The following GRID2 variants were observed in gnomAD, a reference collection of about 807,000 sequenced individuals.
GRID2 encodes glutamate receptor ionotropic, delta-2.
In GRID2, 33 loss-of-function variants were observed where a neutral mutation model predicts 114.8. The ratio of observed to expected loss-of-function variants is 0.29; its 90% CI spans 0.22 to 0.38. The LOEUF is 0.38. Among genes scored for constraint, GRID2 ranks in the 10% least tolerant of loss-of-function variants. GRID2 has a pLI of 1.00. For synonymous variants in GRID2, 505 were observed against 449.9 expected (o/e 1.12, Z -1.55); for missense variants, 1,184 against 1,257.7 (o/e 0.94, Z 0.89).
chr4:92,875,330 A>AT (rs1745553856), intron 2 of GRID2, among the ~76,000 whole-genome samples: 1 of 151,566 alleles, frequency 6.6e-6, no homozygotes, highest in Admixed American at 6.6e-5. Context: ...CACCCGGCTA[A>AT]TTTTTTTCTA....
chr4:92,493,970 G>T (rs1287368191), intron 1 of GRID2, among the ~76,000 whole-genome samples: 1 of 152,058 alleles, frequency 6.6e-6, no homozygotes, highest in Non-Finnish European at 1.5e-5. Flanking sequence ...AAAAAGAAAT[G>T]CAGACAAAGA....
intron 1 of GRID2, among the ~76,000 whole-genome samples, chr4:92,531,651 A>G (rs1190902833): frequency 2.0e-5 from 3 of 152,172 alleles, no homozygotes; most frequent in Non-Finnish European, 4.4e-5. Context: ...AGGAATGATC[A>G]TGGAGAGAAC....
chr4:92,853,293 A>G (rs1354330994), intron 2 of GRID2, among the ~76,000 whole-genome samples: 5 of 152,064 alleles, frequency 3.3e-5, no homozygotes, highest in African/African-American at 9.7e-5. Flanking sequence ...GATTAAGACA[A>G]TGAAACTCTA....
intron 4 of GRID2, among the ~76,000 whole-genome samples, chr4:93,203,587 T>C (rs2149463946): frequency 6.6e-6 from 1 of 152,302 alleles, no homozygotes; most frequent in South Asian, 2.1e-4. Context: ...AAAGTTACTC[T>C]AGTGAGTATG....
chr4:93,420,130 GA>G (rs1768121133), intron 9 of GRID2, among the ~76,000 whole-genome samples: 1 of 152,006 alleles, frequency 6.6e-6, no homozygotes, highest in South Asian at 2.1e-4. Flanking sequence ...TATCTTCCAT[GA>G]ATCCTCTTAC....
chr4:93,469,136 T>C (rs1158751584), intron 11 of GRID2, among the ~76,000 whole-genome samples: 1 of 152,122 alleles, frequency 6.6e-6, no homozygotes, highest in African/African-American at 2.4e-5. Context: ...AAGAAGGCCA[T>C]TCTTTTCTGA....
At chr4:93,053,579 A>T (rs1448015895) in intron 2 of GRID2, among the ~76,000 whole-genome samples, 2 of 151,972 alleles carry the variant, frequency 1.3e-5, no homozygotes, top group African/African-American at 4.8e-5. Flanking sequence ...GTGCACTGGC[A>T]TGCATTTTAA....
At chr4:93,372,679 T>C (rs373898982) in intron 8 of GRID2, among the ~76,000 whole-genome samples, 8 of 152,142 alleles carry the variant, frequency 5.3e-5, no homozygotes, top group African/African-American at 1.9e-4. Context: ...CCACTCGGCA[T>C]CCAAACTAAT....
At chr4:93,192,986 A>G (rs1741136560) in intron 4 of GRID2, among the ~76,000 whole-genome samples, 1 of 152,184 alleles carries the variant, frequency 6.6e-6, no homozygotes, top group Non-Finnish European at 1.5e-5. Flanking sequence ...GCAAAACAAC[A>G]ACAAAAAGAT....
At chr4:93,303,495 G>A (rs1755086655) in intron 8 of GRID2, among the ~76,000 whole-genome samples, 1 of 152,064 alleles carries the variant, frequency 6.6e-6, no homozygotes, top group Non-Finnish European at 1.5e-5. Flanking sequence ...GTCCTTCGTG[G>A]GCTTCAAGTC....
At chr4:92,576,290 C>A (rs1339566226) in intron 1 of GRID2, among the ~76,000 whole-genome samples, 3 of 152,192 alleles carry the variant, frequency 2.0e-5, no homozygotes, top group Middle Eastern at 3.4e-3. Flanking sequence ...TTGTCCGGAC[C>A]ATTTGGACTC....
intron 14 of GRID2, among the ~76,000 whole-genome samples, chr4:93,707,329 T>C (rs1728091792): frequency 1.3e-5 from 2 of 152,062 alleles, no homozygotes; most frequent in South Asian, 4.1e-4. Context: ...AGTCATCAGG[T>C]TCTAGGCTTT....
intron 2 of GRID2, among the ~76,000 whole-genome samples, chr4:92,934,739 C>A (rs1750524261): frequency 6.8e-6 from 1 of 146,522 alleles, no homozygotes; most frequent in Admixed American, 7.4e-5. Flanking sequence ...CACTGCATGT[C>A]TACAACTATC....
intron 2 of GRID2, among the ~76,000 whole-genome samples, chr4:92,758,610 C>T (rs1737841879): frequency 1.3e-5 from 2 of 151,958 alleles, no homozygotes; most frequent in Admixed American, 1.3e-4. Flanking sequence ...TGCTGATTAG[C>T]TGTGAGGATT....
chr4:92,462,351 T>A (rs974806895), intron 1 of GRID2, among the ~76,000 whole-genome samples: 4 of 152,002 alleles, frequency 2.6e-5, no homozygotes, highest in Admixed American at 1.3e-4. Flanking sequence ...TGAGGGGAAA[T>A]AAGTAAATAG....
At chr4:92,848,374 TTCTC>T (rs1350750567) in intron 2 of GRID2, among the ~76,000 whole-genome samples, 11 of 152,026 alleles carry the variant, frequency 7.2e-5, no homozygotes, top group African/African-American at 2.4e-4. Context: ...ACACATCTCT[TTCTC>T]TCTTCACTCC....
At chr4:93,570,529 T>C (rs1318311997) in intron 13 of GRID2, among the ~76,000 whole-genome samples, 2 of 152,116 alleles carry the variant, frequency 1.3e-5, no homozygotes, top group Non-Finnish European at 2.9e-5. Flanking sequence ...TAAAAAGCTT[T>C]ATTAAGTGAT....
chr4:93,087,905 G>T (rs891832801), intron 3 of GRID2, among the ~76,000 whole-genome samples: 2 of 152,038 alleles, frequency 1.3e-5, no homozygotes, highest in African/African-American at 4.8e-5. Context: ...CCATTCATCA[G>T]TGTCATCATT....
intron 1 of GRID2, among the ~76,000 whole-genome samples, chr4:92,564,529 A>G (rs1727245609): frequency 6.6e-6 from 1 of 152,040 alleles, no homozygotes; most frequent in African/African-American, 2.4e-5. Flanking sequence ...ATTCCTTTTT[A>G]AATGAAATTG....
Sources: gnomAD v4.1 joint callset for allele counts (sites outside exome capture counted in the v4.1 genomes callset) on GRCh38, gnomAD v4.1.1 for gene constraint, MANE v1.5 for transcripts, NCBI Gene and HGNC (gene_info 2026-07-23, HGNC 2026-07-21) for gene names.